GPC5: variants seen among roughly 807,000 people sequenced by gnomAD.
The protein encoded by GPC5 is glypican 5.
Under a neutral mutation model 53.9 loss-of-function variants are expected in GPC5, and 47 were observed. The observed-to-expected ratio is 0.87, with a 90% confidence interval of 0.69 to 1.11. The LOEUF (loss-of-function observed/expected upper bound fraction) is 1.11. Among genes scored for constraint, GPC5 ranks in the 50% most tolerant of loss-of-function variants. The probability of loss-of-function intolerance (pLI) is 0.00; values close to 1 mark genes in which losing one functional copy is unlikely to be tolerated. For synonymous variants in GPC5, 286 were observed against 263.3 expected, an observed-to-expected ratio of 1.09 and a Z score of -0.84; for missense variants, 748 against 713.1, an observed-to-expected ratio of 1.05 and a Z score of -0.56.
At chr13:91,937,253 C>A (rs375833345) in intron 6 of GPC5, among the ~76,000 whole-genome samples, 16 of 152,072 alleles carry the variant, frequency 1.1e-4, no homozygotes, top group Admixed American at 5.9e-4. Flanking sequence ...TATTTTCATT[C>A]AAATATCTTA....
chr13:92,478,374 G>T (rs1410357834), intron 7 of GPC5, among the ~76,000 whole-genome samples: 2 of 152,190 alleles, frequency 1.3e-5, no homozygotes, highest in Non-Finnish European at 2.9e-5. Context: ...TTTAGAAATC[G>T]GCTTTGAGTC....
chr13:92,219,139 AC>A (rs538690626), intron 7 of GPC5, among the ~76,000 whole-genome samples: 118 of 152,046 alleles, frequency 7.8e-4, no homozygotes, highest in African/African-American at 2.8e-3. Context: ...CTCCAGTTCA[AC>A]CATCCTGGAT....
intron 5 of GPC5, among the ~76,000 whole-genome samples, chr13:91,881,201 T>C (rs1201714610): frequency 6.6e-6 from 1 of 152,144 alleles, no homozygotes; most frequent in Non-Finnish European, 1.5e-5. Flanking sequence ...AAAAGGTGTC[T>C]CATTTTTTAA....
intron 2 of GPC5, among the ~76,000 whole-genome samples, chr13:91,578,558 C>G (rs11842904): frequency 0.061 from 9,317 of 151,946 alleles, 928 homozygotes; most frequent in African/African-American, 0.21. Flanking sequence ...CTAATGCAGT[C>G]CCTGTGTTTT....
At chr13:91,781,506 C>T (rs2037798803) in intron 5 of GPC5, among the ~76,000 whole-genome samples, 1 of 152,224 alleles carries the variant, frequency 6.6e-6, no homozygotes, top group African/African-American at 2.4e-5. Context: ...GATCATTTCA[C>T]TTTTGATCCA....
chr13:92,772,367 C>T (rs1875645644), intron 7 of GPC5, among the ~76,000 whole-genome samples: 1 of 152,136 alleles, frequency 6.6e-6, no homozygotes, highest in African/African-American at 2.4e-5. Context: ...TCAGATTGTT[C>T]CACCCAGTTG....
intron 6 of GPC5, among the ~76,000 whole-genome samples, chr13:92,046,624 C>G (rs2040983985): frequency 6.6e-6 from 1 of 152,204 alleles, no homozygotes; most frequent in South Asian, 2.1e-4. Flanking sequence ...TATCTTCTTA[C>G]TTTGGTAAAG....
intron 2 of GPC5, among the ~76,000 whole-genome samples, chr13:91,466,019 T>G (rs1882214199): frequency 6.6e-6 from 1 of 152,170 alleles, no homozygotes; most frequent in Non-Finnish European, 1.5e-5. Context: ...GGGACTGAAC[T>G]GTGATGGGTC....
At chr13:92,258,558 G>C (rs1282970818) in intron 7 of GPC5, among the ~76,000 whole-genome samples, 2 of 152,054 alleles carry the variant, frequency 1.3e-5, no homozygotes, top group Non-Finnish European at 2.9e-5. Flanking sequence ...TAGTGCAAAG[G>C]TAAAACACTT....
Position 91,575,558 on chromosome 13 carries a change from G to T in GPC5, c.326-117629G>T, listed in dbSNP as rs1028058842. On this transcript the variant is annotated intron_variant, in intron 2 of 7. Transcript: ENST00000377067. ...AATCTTTTATTCCTAGGGAGAACAC[G>T]CTATTTTATATGCATGTTAAAACTG... 5.9e-5 allele frequency among the ~76,000 whole-genome samples: 9 copies of T among 152,206 alleles called. 1 individual carries two copies. Among genetic ancestry groups the T allele is most frequent in the Admixed American group, 3.9e-4 (6 of 15,276 alleles).
Position 91,454,634 on chromosome 13 carries a change from G to A in GPC5, c.325+5712G>A, listed in dbSNP as rs558411524. ...AGATACTCAGCAAATATAATTAAAT[G>A]AACTGCATGAATAAATGAATGATAC... On this transcript the variant is annotated intron_variant, in intron 2 of 7. Transcript: ENST00000377067. 1.8e-4 allele frequency among the ~76,000 whole-genome samples: 27 copies of A among 152,122 alleles called. No homozygotes were observed. The East Asian group carries it at 4.6e-3, about 26-fold the overall frequency.
chr13:91,591,115 A>G (rs936649651), intron 2 of GPC5, among the ~76,000 whole-genome samples: 6 of 152,228 alleles, frequency 3.9e-5, no homozygotes, highest in Non-Finnish European at 7.3e-5. Context: ...TAGGCACCTC[A>G]TAAGTGTTTG....
intron 7 of GPC5, among the ~76,000 whole-genome samples, chr13:92,663,316 A>G (rs1043492049): frequency 1.3e-5 from 2 of 152,078 alleles, no homozygotes; most frequent in African/African-American, 4.8e-5. Context: ...ATTTATTATT[A>G]TCAGAGACAA....
rs188920435 is a variant in GPC5 at position 91,594,814 on chromosome 13, G to T, written c.326-98373G>T. On this transcript the variant is annotated intron_variant, in intron 2 of 7. Coordinates refer to ENST00000377067, the MANE Select transcript of GPC5 (RefSeq NM_004466.6). ...TCACCTCAGCCTCTCAAGAAGCTGG[G>T]ACTAGAGGGCATACCACCATCTAGC... Among the ~76,000 whole-genome samples, 309 of 151,798 alleles carry T rather than the reference G, an allele frequency of 2.0e-3. 1 individual carries two copies. Among genetic ancestry groups the T allele is most frequent in the Non-Finnish European group, 3.9e-3 (268 of 67,926 alleles).
intron 7 of GPC5, among the ~76,000 whole-genome samples, chr13:92,839,370 G>A (rs190912420): frequency 1.5e-3 from 224 of 152,158 alleles, no homozygotes; most frequent in African/African-American, 5.2e-3. Flanking sequence ...GTGTCATGGG[G>A]GTTTTGTTGT....
At chr13:91,858,689 C>T (rs1348019937) in intron 5 of GPC5, among the ~76,000 whole-genome samples, 1 of 151,876 alleles carries the variant, frequency 6.6e-6, no homozygotes, top group Non-Finnish European at 1.5e-5. Context: ...TTTGGAAATA[C>T]TCCCTCCTCC....
At chr13:92,596,581 C>T (rs1883888465) in intron 7 of GPC5, among the ~76,000 whole-genome samples, 1 of 152,082 alleles carries the variant, frequency 6.6e-6, no homozygotes, top group South Asian at 2.1e-4. Flanking sequence ...TCAAGCGATT[C>T]TTATGCCTCA....
intron 2 of GPC5, among the ~76,000 whole-genome samples, chr13:91,505,854 C>G (rs913214545): frequency 5.9e-5 from 9 of 152,084 alleles, no homozygotes; most frequent in African/African-American, 2.2e-4. Context: ...TGATAATTTC[C>G]CAGATACTCT....
At chr13:92,172,489 G>A (rs1246244251) in intron 7 of GPC5, among the ~76,000 whole-genome samples, 2 of 152,156 alleles carry the variant, frequency 1.3e-5, no homozygotes, top group Non-Finnish European at 2.9e-5. Context: ...TGAGGGATCT[G>A]AGAAGAAGAA....
Sources: allele counts gnomAD v4.1 joint callset (sites outside exome capture counted in the v4.1 genomes callset), GRCh38; gene constraint gnomAD v4.1.1; transcripts MANE v1.5; gene names NCBI Gene and HGNC (gene_info 2026-07-23, HGNC 2026-07-21).